Variants in TASP1 observed in about 807,000 individuals in gnomAD.
The protein encoded by TASP1 is taspase 1.
TASP1 carries 16 observed loss-of-function variants against 56.6 expected under a neutral mutation model. That is an observed-to-expected ratio of 0.28 (90% CI 0.19 to 0.43). The LOEUF (loss-of-function observed/expected upper bound fraction) is 0.43. Ranked by LOEUF, TASP1 falls within the 20% of genes least tolerant of loss-of-function variation. The pLI is 1.00. For missense variants in TASP1, 393 were observed against 511.6 expected (o/e 0.77, Z 2.24); for synonymous variants, 179 against 184.2 (o/e 0.97, Z 0.23).
intron 10 of TASP1, among the ~76,000 whole-genome samples, chr20:13,523,713 C>G (rs2044860423): frequency 6.6e-6 from 1 of 152,122 alleles, no homozygotes. Flanking sequence ...CCTCAGGTTT[C>G]TAGAAATGCC....
the TASP1 span, among the ~76,000 whole-genome samples, chr20:13,274,371 G>C: frequency 0.014 from 2,092 of 152,200 alleles, 45 homozygotes; most frequent in African/African-American, 0.047. Flanking sequence ...CCTCTCCCTG[G>C]GTAGCAGAGT....
the TASP1 span, among the ~76,000 whole-genome samples, chr20:13,349,691 G>A: frequency 6.6e-6 from 1 of 152,122 alleles, no homozygotes; most frequent in African/African-American, 2.4e-5. Context: ...CATATAACAT[G>A]ATAGTCTATG....
the TASP1 span, among the ~76,000 whole-genome samples, chr20:13,225,402 A>G: frequency 6.6e-6 from 1 of 152,206 alleles, no homozygotes; most frequent in Non-Finnish European, 1.5e-5. Context: ...GTATCTTGAC[A>G]GTCTTACTGT....
intron 4 of TASP1, among the ~76,000 whole-genome samples, chr20:13,606,394 C>A (rs563796365): frequency 1.3e-5 from 2 of 152,104 alleles, no homozygotes; most frequent in Non-Finnish European, 2.9e-5. Context: ...CCCAGCCATT[C>A]CCAACATTCT....
the TASP1 span, among the ~76,000 whole-genome samples, chr20:13,348,930 T>C: frequency 1.3e-5 from 2 of 152,200 alleles, no homozygotes; most frequent in African/African-American, 4.8e-5. Context: ...AAAACGCCCA[T>C]GTCCTGCCAC....
chr20:13,346,452 G>A, the TASP1 span, among the ~76,000 whole-genome samples: 2 of 152,318 alleles, frequency 1.3e-5, no homozygotes, highest in Middle Eastern at 3.4e-3. Flanking sequence ...ATGTTTTTCT[G>A]CACCATAATC....
At chr20:13,506,773 G>A (rs1429230596) in intron 10 of TASP1, among the ~76,000 whole-genome samples, 2 of 151,676 alleles carry the variant, frequency 1.3e-5, no homozygotes, top group Non-Finnish European at 2.9e-5. Flanking sequence ...AACTTCAATG[G>A]TCAAAAGTTG....
intron 8 of TASP1, among the ~76,000 whole-genome samples, chr20:13,550,888 T>C (rs1030480658): frequency 2.0e-5 from 3 of 152,176 alleles, no homozygotes; most frequent in African/African-American, 7.2e-5. Flanking sequence ...ATGTTGTTTT[T>C]TGTGCATTTA....
chr20:13,407,383 C>T (rs1484757625), intron 13 of TASP1, among the ~76,000 whole-genome samples: 2 of 152,164 alleles, frequency 1.3e-5, no homozygotes, highest in Non-Finnish European at 2.9e-5. Context: ...CAAGGTTCAT[C>T]CAAGCTACAG....
At chr20:13,221,061 C>T in the TASP1 span, among the ~76,000 whole-genome samples, 19 of 152,130 alleles carry the variant, frequency 1.2e-4, no homozygotes, top group Admixed American at 1.0e-3. Context: ...CCATCTGGAA[C>T]CGGCCCTCCC....
the TASP1 span, among the ~76,000 whole-genome samples, chr20:13,211,405 A>G: frequency 3.9e-5 from 6 of 152,148 alleles, no homozygotes; most frequent in African/African-American, 1.4e-4. Context: ...GAAAGTCTCA[A>G]CCAAAATCAA....
At chr20:13,438,972 G>A (rs557285026) in intron 11 of TASP1, among the ~76,000 whole-genome samples, 2 of 152,276 alleles carry the variant, frequency 1.3e-5, no homozygotes, top group Admixed American at 1.3e-4. Context: ...TCTCACATCA[G>A]TTAGAATGGC....
At chr20:13,493,215 C>T (rs1193095352) in intron 10 of TASP1, among the ~76,000 whole-genome samples, 1 of 152,130 alleles carries the variant, frequency 6.6e-6, no homozygotes, top group East Asian at 1.9e-4. Context: ...CGCTTCATCC[C>T]GTCTACCATG....
the TASP1 span, among the ~76,000 whole-genome samples, chr20:13,178,393 C>G: frequency 6.6e-6 from 1 of 152,106 alleles, no homozygotes; most frequent in Non-Finnish European, 1.5e-5. Context: ...AGGAATCCCA[C>G]TACTAGGTAT....
At chr20:13,142,138 A>G in the TASP1 span, among the ~76,000 whole-genome samples, 5 of 152,268 alleles carry the variant, frequency 3.3e-5, no homozygotes, top group African/African-American at 9.6e-5. Context: ...ATGAAAGCTC[A>G]GTAAATTCTG....
chr20:13,292,273 A>G, the TASP1 span: 1 of 735,184 alleles, frequency 1.4e-6, no homozygotes, highest in Non-Finnish European at 2.3e-6. Flanking sequence ...AATGAATACA[A>G]AAAAGGCTTT....
the TASP1 span, among the ~76,000 whole-genome samples, chr20:13,198,827 TTTCTTTCTTTC>T: frequency 1.4e-5 from 2 of 145,134 alleles, no homozygotes; most frequent in African/African-American, 5.1e-5. Flanking sequence ...TCTTTCTTTC[TTTCTTTCTTTC>T]TTTCTTTCTT....
the TASP1 span, among the ~76,000 whole-genome samples, chr20:13,374,175 T>C: frequency 6.6e-6 from 1 of 152,206 alleles, no homozygotes; most frequent in African/African-American, 2.4e-5. Context: ...TTTTTAAAAA[T>C]TCTTTGAGCA....
the TASP1 span, among the ~76,000 whole-genome samples, chr20:13,204,593 G>A: frequency 2.6e-5 from 4 of 151,418 alleles, no homozygotes; most frequent in African/African-American, 9.7e-5. Context: ...AGGCTGGAGT[G>A]CAGTGGCGCG....
Sources: gnomAD v4.1 joint callset for allele counts (sites outside exome capture counted in the v4.1 genomes callset) on GRCh38, gnomAD v4.1.1 for gene constraint, MANE v1.5 for transcripts, NCBI Gene and HGNC (gene_info 2026-07-23, HGNC 2026-07-21) for gene names.